Variants in SEC23A observed in about 807,000 individuals in gnomAD.
The protein encoded by SEC23A is protein transport protein Sec23A.
A neutral mutation model predicts 103.7 loss-of-function variants in SEC23A; 56 were observed. The ratio of observed to expected loss-of-function variants is 0.54; its 90% CI spans 0.44 to 0.67. SEC23A has a LOEUF of 0.67. Ranked by LOEUF, SEC23A falls within the 30% of genes least tolerant of loss-of-function variation. The pLI, the probability that SEC23A is intolerant of heterozygous loss-of-function variation, is 0.00. For missense variants in SEC23A, 784 were observed against 936.4 expected, an observed-to-expected ratio of 0.84 and a Z score of 2.12; for synonymous variants, 281 against 293.0, an observed-to-expected ratio of 0.96 and a Z score of 0.42.
chr14:39,065,716 T>A (rs1886636531), intron 10 of SEC23A, among the ~76,000 whole-genome samples: 1 of 151,984 alleles, frequency 6.6e-6, no homozygotes, highest in Non-Finnish European at 1.5e-5. Context: ...AAAACAACTG[T>A]GGCCAGGCGC....
chr14:39,063,519 T>G, intron 11 of SEC23A, 106 bp from the exon 12 acceptor site: 1 of 681,108 alleles, frequency 1.5e-6, no homozygotes, highest in Admixed American at 2.6e-5. Flanking sequence ...AAGTCATGTT[T>G]CAAACTAATT....
chr14:39,074,866 G>T (rs1287296246), intron 8 of SEC23A, among the ~76,000 whole-genome samples: 1 of 152,220 alleles, frequency 6.6e-6, no homozygotes, highest in Non-Finnish European at 1.5e-5. Flanking sequence ...CCAGCATTTT[G>T]GGAGGCCGAG....
chr14:39,091,852 C>G (rs1175350725), intron 4 of SEC23A, 139 bp from the exon 5 acceptor site: 1 of 689,228 alleles, frequency 1.5e-6, no homozygotes, highest in Non-Finnish European at 2.6e-6. Flanking sequence ...GTTATTTCTA[C>G]TGTCATGGAG....
chr14:39,054,165 C>T (rs1004929955), intron 14 of SEC23A, among the ~76,000 whole-genome samples: 4 of 151,966 alleles, frequency 2.6e-5, no homozygotes, highest in South Asian at 2.1e-4. Context: ...GTCCCAGCTA[C>T]TCAGGAGGCT....
intron 1 of SEC23A, among the ~76,000 whole-genome samples, chr14:39,101,303 T>C (rs1280242119): frequency 2.6e-5 from 4 of 152,096 alleles, no homozygotes; most frequent in Admixed American, 1.3e-4. Flanking sequence ...GTATATCAAA[T>C]ATGTGCCCAA....
chr14:39,064,252 G>T (rs1174507896), intron 11 of SEC23A, among the ~76,000 whole-genome samples: 1 of 152,042 alleles, frequency 6.6e-6, no homozygotes, highest in Non-Finnish European at 1.5e-5. Context: ...CATTTTTAAA[G>T]TTGATTACCC....
At position 39,063,332 on chromosome 14, in the gene SEC23A, C is replaced by A. The variant is rs1454326836; in HGVS notation, c.1390G>T (p.Val464Phe). The part of the protein sequence containing the change: ...TTTLAIYFEV[V>F]NQHNAPIPQG... ...GATGTAGAAAGTCATACCTGATTGA[C>A]AACCTCAAAATATATGGCTAAGGTT... Residue 464 changes from valine (V) to phenylalanine (F), a missense_variant, in exon 12 of 20, where the codon GTC becomes TTC. Physicochemically the swap from Val to Phe is conservative, Grantham distance 50. Transcript: ENST00000307712. 6.2e-7 allele frequency: 1 copy of A among 1,602,124 alleles called. No homozygotes were observed. Among genetic ancestry groups the A allele is most frequent in the South Asian group, 1.1e-5 (1 of 90,830 alleles).
intron 9 of SEC23A, among the ~76,000 whole-genome samples, chr14:39,071,211 G>A (rs1038301350): frequency 1.3e-5 from 2 of 152,158 alleles, no homozygotes; most frequent in Non-Finnish European, 2.9e-5. Flanking sequence ...ATGGCATGAT[G>A]TTATATAGGG....
intron 15 of SEC23A, 143 bp from the exon 16 acceptor site, chr14:39,045,467 G>A (rs1885797833): frequency 9.8e-6 from 5 of 511,194 alleles, no homozygotes; most frequent in South Asian, 8.9e-5. Flanking sequence ...ATATCCCTCA[G>A]GAAAGGAATC....
Position 39,040,714 on chromosome 14 carries a change from C to A in SEC23A, c.2142+18G>T, listed in dbSNP as rs1371702571. The A allele has an allele frequency of 3.1e-6, 5 of 1,614,084 alleles. No individual in the cohort carries two copies. Among genetic ancestry groups the A allele is most frequent in the Non-Finnish European group, 4.2e-6 (5 of 1,179,996 alleles). ...ACCTAACAACAAACAAACACACAAA[C>A]AAATTAACACTACTTACCTGGCTGC... On this transcript the variant is annotated intron_variant, in intron 18 of 19. Transcript: ENST00000307712.
At chr14:39,039,681 A>G (rs1181286399) in intron 18 of SEC23A, 1 of 152,664 alleles carries the variant, frequency 6.6e-6, no homozygotes, top group African/African-American at 2.4e-5. Flanking sequence ...AGACAGTAAC[A>G]TCTTTTGAAA....
intron 8 of SEC23A, among the ~76,000 whole-genome samples, chr14:39,075,442 G>A (rs757810307): frequency 2.6e-5 from 4 of 151,994 alleles, no homozygotes; most frequent in African/African-American, 9.7e-5. Flanking sequence ...CAAATAGAAC[G>A]AATATAAGAG....
chr14:39,072,929 T>TA (rs1398945657), intron 9 of SEC23A, among the ~76,000 whole-genome samples: 2 of 152,314 alleles, frequency 1.3e-5, no homozygotes, highest in East Asian at 3.9e-4. Flanking sequence ...GGAAAATCGT[T>TA]AGACAGTTCC....
chr14:39,083,964 C>T (rs1456089252), intron 7 of SEC23A, among the ~76,000 whole-genome samples: 1 of 152,124 alleles, frequency 6.6e-6, no homozygotes, highest in Non-Finnish European at 1.5e-5. Flanking sequence ...CTTCTTGCAT[C>T]TTTTCTGTAA....
intron 16 of SEC23A, among the ~76,000 whole-genome samples, chr14:39,044,792 A>G (rs2139192562): frequency 6.6e-6 from 1 of 152,356 alleles, no homozygotes; most frequent in South Asian, 2.1e-4. Flanking sequence ...ACTGTCACAG[A>G]CACTAAACTC....
intron 19 of SEC23A, among the ~76,000 whole-genome samples, chr14:39,037,824 C>A (rs1885507841): frequency 6.6e-6 from 1 of 152,200 alleles, no homozygotes; most frequent in Admixed American, 6.5e-5. Flanking sequence ...TACTTTCCTG[C>A]AACTTCTAAT....
intron 5 of SEC23A, chr14:39,090,851 G>C (rs749658029): frequency 3.3e-5 from 8 of 239,986 alleles, no homozygotes; most frequent in Non-Finnish European, 6.6e-5. Flanking sequence ...CAATGCCCTT[G>C]TTAAAGCAGC....
Position 39,042,871 on chromosome 14 carries a change from G to A in SEC23A, c.1901C>T (p.Pro634Leu), listed in dbSNP as rs1030509427. Residue 634 changes from proline (P) to leucine (L), a missense_variant and splice_region_variant, in exon 17 of 20, where the codon CCG becomes CTG. This residue lies in a region of SEC23A where 683 missense variants were observed against 774.2 expected (regional missense o/e 0.88). Transcript: ENST00000307712. ...YAYSFSGPPE[P>L]VLLDSSSILA... Reference sequence around the variant, plus strand: ...AATGCTACTGCTATCAAGAAGAACCGGCTAACGTAAAGAAAACAATGAGAA... The same window carrying A: ...AATGCTACTGCTATCAAGAAGAACCAGCTAACGTAAAGAAAACAATGAGAA... 3 of 1,602,368 alleles carry A rather than the reference G, an allele frequency of 1.9e-6. No homozygotes were observed. Among genetic ancestry groups the A allele is most frequent in the Non-Finnish European group, 1.7e-6 (2 of 1,169,878 alleles).
intron 19 of SEC23A, among the ~76,000 whole-genome samples, chr14:39,035,071 G>A (rs922024166): frequency 2.0e-5 from 3 of 152,052 alleles, no homozygotes; most frequent in African/African-American, 7.2e-5. Flanking sequence ...TTAGACCTTG[G>A]TTAAAATCTA....
Sources: allele counts gnomAD v4.1 joint callset (sites outside exome capture counted in the v4.1 genomes callset), GRCh38; gene constraint gnomAD v4.1.1; regional missense constraint gnomAD v4.1.1; transcripts MANE v1.5; gene names NCBI Gene and HGNC (gene_info 2026-07-23, HGNC 2026-07-21).